The following XRN1 variants were observed in gnomAD, a reference collection of about 807,000 sequenced individuals.
XRN1 encodes 5'-3' exoribonuclease 1.
A neutral mutation model predicts 222.3 loss-of-function variants in XRN1; 67 were observed. The observed-to-expected ratio is 0.30, with a 90% CI of 0.25 to 0.37. The LOEUF is 0.37. Ranked by LOEUF, XRN1 falls within the 10% of genes least tolerant of loss-of-function variation. XRN1 has a pLI of 1.00. For missense variants in XRN1, 1,707 were observed against 2,000.2 expected, an observed-to-expected ratio of 0.85 and a Z score of 2.80; for synonymous variants, 643 against 652.4, an observed-to-expected ratio of 0.99 and a Z score of 0.22.
rs2067259474 is a variant in XRN1, at chr3:142,380,156, T to C, written c.2641A>G (p.Thr881Ala). 4.3e-6 allele frequency: 7 copies of C among 1,613,830 alleles called. No homozygotes were observed. The highest frequency in any genetic ancestry group is 1.1e-5 in the South Asian group (1 of 91,078). The change falls in exon 23 of 41, where the codon ACA becomes GCA. Residue 881 changes from threonine to alanine, a missense_variant. Coordinates refer to ENST00000392981, the MANE Select transcript of XRN1 (RefSeq NM_001282857.2). ...GEVQDSGDVI[T>A]EGRIRVIFSI... ...AAAATCACACGAATCCTACCTTCTG[T>C]AATCACATCACCTGAATCCTGAACC...
At chr3:142,321,105 C>CTTTTTTTTTTTT (rs573856556) in intron 37 of XRN1, among the ~76,000 whole-genome samples, 3 of 87,280 alleles carry the variant, frequency 3.4e-5, no homozygotes, top group African/African-American at 4.8e-5. Flanking sequence ...CATCCACTTC[C>CTTTTTTTTTTTT]TTTTTTTTTT....
In XRN1 at chr3:142,447,894, G is replaced by A; in HGVS notation, c.51C>T (p.Leu17=). 6.2e-7 allele frequency: 1 copy of A among 1,613,868 alleles called. No homozygotes were observed. The highest frequency in any genetic ancestry group is 1.1e-5 in the South Asian group (1 of 91,056). The change falls in exon 1 of 41, where the codon CTC becomes CTT. Residue 17 remains leucine, a synonymous_variant. Transcript: ENST00000392981. This position sits in a 1 kb window ranked among gnomAD's most constrained non-coding sequence, Gnocchi z 4.2. ...YRWISERYPC[L]SEVVKEHQIP... is the part of the protein sequence containing the mutation. ...CCTGATGCTCTTTCACCACTTCGCTGAGACAGGGATACCGCTCTGAGATCC... is the reference window on the plus strand; with the variant it reads ...CCTGATGCTCTTTCACCACTTCGCTAAGACAGGGATACCGCTCTGAGATCC...
intron 26 of XRN1, 84 bp from the exon 27 acceptor site, chr3:142,370,704 T>A: frequency 8.5e-7 from 1 of 1,170,170 alleles, no homozygotes; most frequent in Non-Finnish European, 1.2e-6. Flanking sequence ...CTTATATAAC[T>A]AATAATTAGT....
At chr3:142,351,364 G>C (rs1256392608) in intron 32 of XRN1, among the ~76,000 whole-genome samples, 1 of 152,172 alleles carries the variant, frequency 6.6e-6, no homozygotes, top group Non-Finnish European at 1.5e-5. Flanking sequence ...GGAGAACTGA[G>C]TGATCAACTG....
At chr3:142,319,891 G>A (rs1489975260) in intron 37 of XRN1, among the ~76,000 whole-genome samples, 2 of 151,286 alleles carry the variant, frequency 1.3e-5, no homozygotes. Flanking sequence ...TAGGATAGTA[G>A]TACATGGTGT....
chr3:142,319,606 T>C (rs2065295714), intron 37 of XRN1, among the ~76,000 whole-genome samples: 1 of 152,168 alleles, frequency 6.6e-6, no homozygotes, highest in South Asian at 2.1e-4. Context: ...GACTTTAGTG[T>C]ACCCATTGCC....
chr3:142,446,411 T>C (rs1471390633), intron 1 of XRN1, among the ~76,000 whole-genome samples: 4 of 152,240 alleles, frequency 2.6e-5, no homozygotes, highest in South Asian at 4.1e-4. Context: ...AGTTTCTATA[T>C]AAAGCTTTCA....
At chr3:142,332,577 AAC>A (rs1333774999) in intron 35 of XRN1, 43 bp from the exon 36 acceptor site, 20 of 1,519,726 alleles carry the variant, frequency 1.3e-5, no homozygotes, top group Non-Finnish European at 1.7e-5. Flanking sequence ...GGGTGAAGAG[AAC>A]AAAGTCAACA....
chr3:142,387,653 T>C (rs1251290231), intron 20 of XRN1, among the ~76,000 whole-genome samples: 1 of 152,160 alleles, frequency 6.6e-6, no homozygotes, highest in Non-Finnish European at 1.5e-5. Flanking sequence ...AAAAAATGTA[T>C]ATATCTACTA....
chr3:142,404,347 C>T (rs1559854220), intron 16 of XRN1, among the ~76,000 whole-genome samples: 1 of 152,046 alleles, frequency 6.6e-6, no homozygotes, highest in East Asian at 1.9e-4. Context: ...CTTTCTCTTT[C>T]CTTTAACAAA....
At chr3:142,321,810 T>A (rs2065364283) in intron 37 of XRN1, among the ~76,000 whole-genome samples, 1 of 152,220 alleles carries the variant, frequency 6.6e-6, no homozygotes, top group Non-Finnish European at 1.5e-5. Flanking sequence ...CTGATTTTTG[T>A]CAGTTGATTT....
Position 142,361,563 on chromosome 3 carries a change from T to C in XRN1, c.3395-1632A>G, listed in dbSNP as rs930484057. ...ATCTTTTACATTACGACTGGCAATATAGGAGAGTTCTAGTTGCCCTATATC... is the reference window on the plus strand; with the variant it reads ...ATCTTTTACATTACGACTGGCAATACAGGAGAGTTCTAGTTGCCCTATATC... On this transcript the variant is annotated intron_variant, in intron 29 of 40. Transcript: ENST00000392981. Among the ~76,000 whole-genome samples the C allele has an allele frequency of 2.6e-5, 4 of 152,240 alleles. No individual in the cohort carries two copies. In the East Asian group the frequency reaches 5.8e-4, roughly 22 times the overall value.
At chr3:142,389,453 T>A (rs573908969) in intron 20 of XRN1, among the ~76,000 whole-genome samples, 35 of 152,310 alleles carry the variant, frequency 2.3e-4, no homozygotes, top group African/African-American at 7.7e-4. Flanking sequence ...ATCCCATGAA[T>A]CATGAATGTT....
chr3:142,309,263 C>T lies in XRN1; in HGVS notation c.*2248G>A, dbSNP rs2065030280. On this transcript the variant is annotated 3_prime_UTR_variant, in exon 41 of 41. Transcript: ENST00000392981. ...TTTTGAGACAGAGTCTTGCTCTGCT[C>T]TCCAGGCTGGAGTGCAGTGGTGCAA... The T allele has an allele frequency of 1.3e-5, 2 of 152,152 alleles. No individual in the cohort carries two copies. Among genetic ancestry groups the T allele is most frequent in the Admixed American group, 6.5e-5 (1 of 15,270 alleles). 9.4% of individuals were successfully genotyped at this position (152,152 alleles called of 1,614,324 possible).
rs1445156772 is a variant in XRN1, at chr3:142,318,781, A to G, written c.4518+9T>C. ...AAATTTTAATAGAGAAGTCATGGAC[A>G]GTTCTTACCAACTGTTGTAAAGCAA... On this transcript the variant is annotated intron_variant, in intron 38 of 40. Coordinates refer to ENST00000392981, the MANE Select transcript of XRN1 (RefSeq NM_001282857.2). 2 of 1,613,514 alleles carry G rather than the reference A, an allele frequency of 1.2e-6. No individual in the cohort carries two copies. Among genetic ancestry groups the G allele is most frequent in the African/African-American group, 2.7e-5 (2 of 74,934 alleles).
intron 33 of XRN1, among the ~76,000 whole-genome samples, chr3:142,339,751 C>T (rs752949745): frequency 3.3e-5 from 5 of 151,472 alleles, no homozygotes; most frequent in Non-Finnish European, 5.9e-5. Flanking sequence ...TGCAGTGAGA[C>T]GTAATAGTAC....
At chr3:142,394,873 C>T (rs967112203) in intron 20 of XRN1, among the ~76,000 whole-genome samples, 1 of 152,114 alleles carries the variant, frequency 6.6e-6, no homozygotes, top group Non-Finnish European at 1.5e-5. Context: ...TTATTAGGTA[C>T]ATCATATGTG....
intron 20 of XRN1, among the ~76,000 whole-genome samples, chr3:142,390,516 T>C (rs1489255179): frequency 6.6e-6 from 1 of 152,222 alleles, no homozygotes; most frequent in Non-Finnish European, 1.5e-5. Flanking sequence ...TGCAGCTTCC[T>C]CACCTCTCTC....
At chr3:142,351,855 C>T (rs575646534) in intron 32 of XRN1, among the ~76,000 whole-genome samples, 2 of 151,464 alleles carry the variant, frequency 1.3e-5, no homozygotes, top group South Asian at 2.1e-4. Flanking sequence ...CTCAAGGTGT[C>T]CCATCTTAGA....
Sources: gnomAD v4.1 joint callset for allele counts (sites outside exome capture counted in the v4.1 genomes callset) on GRCh38, gnomAD v4.1.1 for gene constraint, Gnocchi (gnomAD v3.1) non-coding constraint, MANE v1.5 for transcripts, NCBI Gene and HGNC (gene_info 2026-07-23, HGNC 2026-07-21) for gene names.